The following NCOA6 variants were observed in gnomAD, a reference collection of about 807,000 sequenced individuals.
The protein encoded by NCOA6 is NRC RAP250.
Under a neutral mutation model 171.4 loss-of-function variants are expected in NCOA6, and 49 were observed. The observed-to-expected ratio is 0.29, with a 90% CI of 0.23 to 0.36. NCOA6 has a LOEUF of 0.36. NCOA6 is among the 10% of genes least tolerant of loss of function. NCOA6 has a pLI of 1.00. For missense variants in NCOA6, 2,248 were observed against 2,554.5 expected (o/e 0.88, Z 2.59); for synonymous variants, 910 against 927.5 (o/e 0.98, Z 0.34).
At chr20:34,736,786 C>T in intron 11 of NCOA6, 28 bp from the exon 12 acceptor site, 1 of 1,573,300 alleles carries the variant, frequency 6.4e-7, no homozygotes, top group Non-Finnish European at 8.7e-7. Context: ...AAATTACAGA[C>T]CTTTTACTTT....
chr20:34,797,157 T>TAA (rs1037321053), intron 1 of NCOA6, among the ~76,000 whole-genome samples: 1 of 151,770 alleles, frequency 6.6e-6, no homozygotes, highest in African/African-American at 2.4e-5. Context: ...GGCCAAGGAG[T>TAA]AATTGTGCCA....
intron 5 of NCOA6, among the ~76,000 whole-genome samples, chr20:34,764,429 C>T (rs1344620926): frequency 6.6e-6 from 1 of 152,096 alleles, no homozygotes; most frequent in African/African-American, 2.4e-5. Context: ...CGCGGTGGCT[C>T]ACGCCTGTAA....
At chr20:34,782,501 A>C (rs1397211548) in intron 2 of NCOA6, 97 bp from the exon 3 acceptor site, 1 of 324,012 alleles carries the variant, frequency 3.1e-6, no homozygotes, top group African/African-American at 2.1e-5. Context: ...TTATTTAATA[A>C]GAAAATACTA....
chr20:34,811,201 G>GTATGTATATATATA (rs1244311939), intron 1 of NCOA6, among the ~76,000 whole-genome samples: 43 of 53,824 alleles, frequency 8.0e-4, no homozygotes, highest in African/African-American at 2.5e-3. Flanking sequence ...ACAACAACGT[G>GTATGTATATATATA]TATATATATA....
At chr20:34,746,782 T>C (rs374255733) in intron 10 of NCOA6, 25 bp downstream of exon 10, 7 of 1,596,334 alleles carry the variant, frequency 4.4e-6, no homozygotes, top group Non-Finnish European at 6.0e-6. Flanking sequence ...GTAATAAGTA[T>C]ATAATCTAGC....
In NCOA6 at chr20:34,731,359, T is replaced by C. The variant is rs1407586152; in HGVS notation, c.5999+1200A>G. Reference sequence around the variant, plus strand: ...TGATCTATAAATCCCATCTTGTCTGTTGCAATACATAGGTTAAATATCAGG... The same window carrying C: ...TGATCTATAAATCCCATCTTGTCTGCTGCAATACATAGGTTAAATATCAGG... On this transcript the variant is annotated intron_variant, in intron 13 of 14. Transcript: ENST00000359003. Among the ~76,000 whole-genome samples, 10 of 152,358 alleles carry C rather than the reference T, an allele frequency of 6.6e-5. 1 individual carries two copies. The East Asian group carries it at 7.7e-4, about 12-fold the overall frequency.
intron 9 of NCOA6, among the ~76,000 whole-genome samples, chr20:34,747,441 C>T (rs1277574554): frequency 6.6e-6 from 1 of 152,174 alleles, no homozygotes; most frequent in African/African-American, 2.4e-5. Flanking sequence ...AAAGATTTTG[C>T]TGCAGAATGA....
At chr20:34,788,866 C>T (rs1300658867) in intron 2 of NCOA6, among the ~76,000 whole-genome samples, 1 of 152,166 alleles carries the variant, frequency 6.6e-6, no homozygotes, top group African/African-American at 2.4e-5. Flanking sequence ...ATCACTTGAA[C>T]CTGGGAGGCC....
intron 14 of NCOA6, among the ~76,000 whole-genome samples, chr20:34,721,691 G>A (rs1303009868): frequency 1.3e-5 from 2 of 152,100 alleles, no homozygotes; most frequent in African/African-American, 2.4e-5. Flanking sequence ...CTCACCTCCT[G>A]CTGTGCGGCC....
chr20:34,765,916 T>G (rs948730790), intron 5 of NCOA6, among the ~76,000 whole-genome samples: 6 of 152,240 alleles, frequency 3.9e-5, no homozygotes, highest in African/African-American at 1.4e-4. Flanking sequence ...ATTAGCTAAC[T>G]TTCTGTTGCC....
rs2075971431 is a variant in NCOA6, at chr20:34,736,757, G to A, written c.5895C>T (p.Ala1965=). ...CCTTTGAGACTAAATTCTGCGACGGGGCTAAGGCAAGGAAAAAAAAATTAC... is the reference window on the plus strand; with the variant it reads ...CCTTTGAGACTAAATTCTGCGACGGAGCTAAGGCAAGGAAAAAAAAATTAC... ...GSHPELLPSI[A]PSQNLVSKET... The change falls in exon 12 of 15, where the codon GCC becomes GCT. Residue 1965 remains alanine, a splice_region_variant and synonymous_variant. Transcript: ENST00000359003. 2 of 1,606,406 alleles carry A rather than the reference G, an allele frequency of 1.2e-6. No individual in the cohort carries two copies. Among genetic ancestry groups the A allele is most frequent in the East Asian group, 2.2e-5 (1 of 44,674 alleles).
At chr20:34,805,750 A>G (rs1001031363) in intron 1 of NCOA6, among the ~76,000 whole-genome samples, 1 of 149,852 alleles carries the variant, frequency 6.7e-6, no homozygotes, top group Non-Finnish European at 1.5e-5. Context: ...ATGCAGTGGT[A>G]TGATCTCGGC....
In NCOA6 at chr20:34,815,523, T is replaced by C. The variant is rs1489427078; in HGVS notation, c.-164+9949A>G. On this transcript the variant is annotated intron_variant, in intron 1 of 14. Coordinates refer to ENST00000359003, the MANE Select transcript of NCOA6 (RefSeq NM_014071.5). Reference sequence around the variant, plus strand: ...TTCTTTCCAATATTTTTTTAAATTATGGAAAAACTGAAGAAGTTTCAAAGA... The same window carrying C: ...TTCTTTCCAATATTTTTTTAAATTACGGAAAAACTGAAGAAGTTTCAAAGA... 2.6e-5 allele frequency among the ~76,000 whole-genome samples: 4 copies of C among 152,082 alleles called. No individual in the cohort carries two copies. In the East Asian group the frequency reaches 5.8e-4, roughly 22 times the overall value.
At chr20:34,719,858 TTTTCTC>T (rs1989103632) in intron 14 of NCOA6, among the ~76,000 whole-genome samples, 1 of 152,176 alleles carries the variant, frequency 6.6e-6, no homozygotes, top group South Asian at 2.1e-4. Context: ...CTCTTCAGGG[TTTTCTC>T]CCACGACATT....
chr20:34,762,122 T>A (rs1478766534), intron 5 of NCOA6, among the ~76,000 whole-genome samples: 1 of 152,254 alleles, frequency 6.6e-6, no homozygotes, highest in Non-Finnish European at 1.5e-5. Context: ...GTCTTGAGGC[T>A]AGGTTGTTAA....
At chr20:34,788,687 T>G (rs1303394726) in intron 2 of NCOA6, among the ~76,000 whole-genome samples, 2 of 152,312 alleles carry the variant, frequency 1.3e-5, no homozygotes, top group Admixed American at 1.3e-4. Flanking sequence ...GTAAACAGCC[T>G]GTAATTCCAG....
chr20:34,718,663 G>A (rs567205281), intron 14 of NCOA6, among the ~76,000 whole-genome samples: 3 of 151,990 alleles, frequency 2.0e-5, no homozygotes, highest in African/African-American at 7.3e-5. Context: ...GCACCACCAC[G>A]CCCAGCTAAT....
chr20:34,763,442 T>A (rs750008993), intron 5 of NCOA6, among the ~76,000 whole-genome samples: 2 of 152,238 alleles, frequency 1.3e-5, no homozygotes, highest in Admixed American at 6.5e-5. Flanking sequence ...TTATGTTTGA[T>A]AGTGTCTTGT....
At chr20:34,782,444 T>C in intron 2 of NCOA6, 40 bp from the exon 3 acceptor site, 10 of 586,290 alleles carry the variant, frequency 1.7e-5, no homozygotes, top group Non-Finnish European at 2.3e-5. Flanking sequence ...CAATGCATAG[T>C]TATGCATTCA....
Sources: allele counts gnomAD v4.1 joint callset (sites outside exome capture counted in the v4.1 genomes callset), GRCh38; gene constraint gnomAD v4.1.1; transcripts MANE v1.5; gene names NCBI Gene and HGNC (gene_info 2026-07-23, HGNC 2026-07-21).